The following PRMT8 variants were observed in gnomAD, a reference collection of about 807,000 sequenced individuals.
PRMT8 encodes the protein protein arginine methyltransferase 8, also known as protein arginine N-methyltransferase 8.
In PRMT8, 7 loss-of-function variants were observed where a neutral mutation model predicts 47.1. The observed-to-expected ratio is 0.15, with a 90% CI of 0.08 to 0.28. The LOEUF (loss-of-function observed/expected upper bound fraction) is 0.28, where lower values mean the gene tolerates loss of function less well. Ranked by LOEUF, PRMT8 falls within the 10% of genes least tolerant of loss-of-function variation. The pLI, the probability that PRMT8 is intolerant of heterozygous loss-of-function variation, is 1.00. For missense variants in PRMT8, 237 were observed against 505.4 expected (o/e 0.47, Z 5.09); for synonymous variants, 188 against 186.5 (o/e 1.01, Z -0.07).
chr12:3,586,348 G>T (rs1770502892), intron 8 of PRMT8, among the ~76,000 whole-genome samples: 1 of 152,170 alleles, frequency 6.6e-6, no homozygotes, highest in East Asian at 1.9e-4. Context: ...TTCCTTCCTA[G>T]TCTTTGGTCA....
chr12:3,521,928 CT>C (rs1268375164), intron 1 of PRMT8, among the ~76,000 whole-genome samples: 3 of 4,746 alleles, frequency 6.3e-4, no homozygotes, highest in Non-Finnish European at 6.4e-3. Flanking sequence ...ATGGGAGCGA[CT>C]TTAACCTCAA....
chr12:3,535,352 G>A lies in PRMT8; in HGVS notation c.76-5254G>A, dbSNP rs757132508. 6.6e-6 allele frequency among the ~76,000 whole-genome samples: 1 copy of A among 152,200 alleles called. No homozygotes were observed. Among genetic ancestry groups the A allele is most frequent in the Non-Finnish European group, 1.5e-5 (1 of 68,030 alleles). On this transcript the variant is annotated intron_variant, in intron 1 of 9. Transcript: ENST00000382622. This position sits in a 1 kb window ranked among gnomAD's most constrained non-coding sequence, Gnocchi z 4.7. ...ACTGTGCTGAAGCTGCCCTGGGTAA[G>A]GCCAGTCTGGGGGCGGAACACTGTG...
rs1443318511 is a variant in PRMT8 at position 3,593,096 on chromosome 12, C to T, written c.1102-3C>T. ...GACCCTTCGCTCTCTCTCTGCCTTG[C>T]AGCGAGACCTCGATTTCACAGTAGA... On this transcript the variant is annotated splice_region_variant and splice_polypyrimidine_tract_variant and intron_variant, in intron 9 of 9. Transcript: ENST00000382622. The surrounding 1 kb of genome is among the most constrained non-coding windows in gnomAD (Gnocchi z 4.8). 1 of 1,613,644 alleles carries T rather than the reference C, an allele frequency of 6.2e-7. No homozygotes were observed. The highest frequency in any genetic ancestry group is 8.5e-7 in the Non-Finnish European group (1 of 1,179,700).
intron 2 of PRMT8, among the ~76,000 whole-genome samples, chr12:3,544,973 A>G (rs1866302920): frequency 6.6e-6 from 1 of 152,204 alleles, no homozygotes; most frequent in Non-Finnish European, 1.5e-5. Context: ...TGTGGTTATG[A>G]TTGAAACATT....
rs1277308314 is a variant in PRMT8, at chr12:3,538,771, C to A, written c.76-1835C>A. 1.9e-6 allele frequency: 1 copy of A among 517,662 alleles called. No homozygotes were observed. The highest frequency in any genetic ancestry group is 1.9e-5 in the African/African-American group (1 of 51,930). The allele number at this position is 517,662 out of a possible 1,614,324, so 32.1% of individuals were successfully genotyped here. ...AGTCTATTTTTAGCCTCCCAGAGACCGTGACCAACATCCCAAGCTGAGAGT... is the reference window on the plus strand; with the variant it reads ...AGTCTATTTTTAGCCTCCCAGAGACAGTGACCAACATCCCAAGCTGAGAGT... On this transcript the variant is annotated intron_variant, in intron 1 of 9. Coordinates refer to ENST00000382622, the MANE Select transcript of PRMT8 (RefSeq NM_019854.5). The surrounding 1 kb of genome is among the most constrained non-coding windows in gnomAD (Gnocchi z 4.6).
chr12:3,550,329 C>T lies in PRMT8; in HGVS notation c.417+238C>T. The T allele has an allele frequency of 2.0e-6, 1 of 503,854 alleles. No individual in the cohort carries two copies. The highest frequency in any genetic ancestry group is 3.6e-6 in the Non-Finnish European group (1 of 280,656). 31.2% of individuals were successfully genotyped at this position (503,854 alleles called of 1,614,324 possible). On this transcript the variant is annotated intron_variant, in intron 3 of 9. Transcript: ENST00000382622. The surrounding 1 kb of genome is among the most constrained non-coding windows in gnomAD (Gnocchi z 5.1). Reference sequence around the variant, plus strand: ...CATTTGCGGAGGAACTGTGGCTTTCCTGAGACCATTCCAATGTCATCATGA... The same window carrying T: ...CATTTGCGGAGGAACTGTGGCTTTCTTGAGACCATTCCAATGTCATCATGA...
intron 1 of PRMT8, among the ~76,000 whole-genome samples, chr12:3,512,854 C>T (rs1030532442): frequency 2.6e-5 from 4 of 152,142 alleles, no homozygotes; most frequent in African/African-American, 9.7e-5. Context: ...GGTGGTTGTT[C>T]CACAGCTGGG....
chr12:3,391,049 G>A (rs1864187492), intron 1 of PRMT8, among the ~76,000 whole-genome samples: 1 of 152,172 alleles, frequency 6.6e-6, no homozygotes, highest in Admixed American at 6.5e-5. Context: ...CTAAGGAGTG[G>A]GCTCTGAGGG....
rs138111032 is a variant in PRMT8 at position 3,442,697 on chromosome 12, C to A, written c.48+61255C>A. ...TTTTTCAGATAGAGTCTCACTCTGT[C>A]ACCCAGGCTGGAGTGCAATGGCATG... On this transcript the variant is annotated intron_variant, in intron 1 of 9. Transcript: ENST00000452611. Among the ~76,000 whole-genome samples, 99 of 152,316 alleles carry A rather than the reference C, an allele frequency of 6.5e-4. 2 individuals carry two copies. The East Asian group carries it at 0.018, about 28-fold the overall frequency.
intron 1 of PRMT8, among the ~76,000 whole-genome samples, chr12:3,397,507 C>A (rs1377688754): frequency 6.6e-6 from 1 of 151,024 alleles, no homozygotes; most frequent in Admixed American, 6.6e-5. Flanking sequence ...GGGGGTGCCT[C>A]CCAGTTAGGC....
intron 1 of PRMT8, among the ~76,000 whole-genome samples, chr12:3,432,808 A>G (rs190967557): frequency 3.0e-3 from 455 of 152,310 alleles, no homozygotes; most frequent in Non-Finnish European, 5.3e-3. Flanking sequence ...GAAAAAAGCA[A>G]TGCAGTCACT....
In PRMT8 at chr12:3,580,507, G is replaced by T. The variant is rs1327442191; in HGVS notation, c.829-2551G>T. ...ACGAAAGAGGGGCCTAGGCAAAGAA[G>T]TAAGTCTTCAAGCAGGGAGACCTGT... On this transcript the variant is annotated intron_variant, in intron 7 of 9. Transcript: ENST00000382622. This position sits in a 1 kb window ranked among gnomAD's most constrained non-coding sequence, Gnocchi z 4.6. 6.6e-6 allele frequency among the ~76,000 whole-genome samples: 1 copy of T among 152,184 alleles called. No individual in the cohort carries two copies. The highest frequency in any genetic ancestry group is 1.5e-5 in the Non-Finnish European group (1 of 68,042).
intron 1 of PRMT8, among the ~76,000 whole-genome samples, chr12:3,521,552 C>A (rs1405408256): frequency 1.3e-5 from 2 of 151,964 alleles, no homozygotes; most frequent in African/African-American, 4.8e-5. Context: ...CCAGCCTGGG[C>A]AGCAAGAGCG....
rs539230859 is a variant in PRMT8 at position 3,565,812 on chromosome 12, C to T, written c.482-2894C>T. On this transcript the variant is annotated intron_variant, in intron 4 of 9. Transcript: ENST00000382622. ...CAGCAGTAACTCTCTTTGGGGGACACCTGAGGAATATTTCATACATACCTG... is the reference window on the plus strand; with the variant it reads ...CAGCAGTAACTCTCTTTGGGGGACATCTGAGGAATATTTCATACATACCTG... 2.6e-5 allele frequency among the ~76,000 whole-genome samples: 4 copies of T among 152,228 alleles called. No homozygotes were observed. In the South Asian group the frequency reaches 8.3e-4, roughly 32 times the overall value.
intron 8 of PRMT8, among the ~76,000 whole-genome samples, chr12:3,590,524 C>T (rs1317999092): frequency 4.6e-5 from 7 of 151,954 alleles, no homozygotes; most frequent in African/African-American, 1.7e-4. Flanking sequence ...TTGTTCTGCC[C>T]CCAAAGCCAT....
intron 2 of PRMT8, among the ~76,000 whole-genome samples, chr12:3,544,503 C>T (rs73043247): frequency 0.013 from 1,931 of 152,242 alleles, 18 homozygotes; most frequent in Non-Finnish European, 0.016. Flanking sequence ...GAGTGCAGCT[C>T]GACAGCAAAT....
chr12:3,532,842 C>G (rs1398814798), intron 1 of PRMT8, among the ~76,000 whole-genome samples: 1 of 152,098 alleles, frequency 6.6e-6, no homozygotes, highest in Non-Finnish European at 1.5e-5. Context: ...GCCTGGGAAT[C>G]TGCATTTCTT....
intron 1 of PRMT8, among the ~76,000 whole-genome samples, chr12:3,447,501 C>G (rs1053550228): frequency 2.6e-5 from 4 of 152,144 alleles, no homozygotes; most frequent in Non-Finnish European, 5.9e-5. Flanking sequence ...CGCAGTGCCT[C>G]TCGCACTCAG....
chr12:3,458,927 C>G (rs1865006408), intron 1 of PRMT8, among the ~76,000 whole-genome samples: 1 of 152,224 alleles, frequency 6.6e-6, no homozygotes. Context: ...GCTCAGAGGT[C>G]TCCACTCACA....
Sources: gnomAD v4.1 joint callset for allele counts (sites outside exome capture counted in the v4.1 genomes callset) on GRCh38, gnomAD v4.1.1 for gene constraint, Gnocchi (gnomAD v3.1) non-coding constraint, MANE v1.5 for transcripts, NCBI Gene and HGNC (gene_info 2026-07-23, HGNC 2026-07-21) for gene names.